The following PPM1L variants were observed in gnomAD, a reference collection of about 807,000 sequenced individuals.
The protein encoded by PPM1L is protein phosphatase, Mg2+/Mn2+ dependent 1L.
Under a neutral mutation model 31.4 loss-of-function variants are expected in PPM1L, and 13 were observed. The ratio of observed to expected loss-of-function variants is 0.41; its 90% CI spans 0.27 to 0.66. The LOEUF is 0.66. Ranked by LOEUF, PPM1L falls within the 30% of genes least tolerant of loss-of-function variation. The probability of loss-of-function intolerance (pLI) is 0.29; values close to 1 mark genes in which losing one functional copy is unlikely to be tolerated. For missense variants in PPM1L, 326 were observed against 453.7 expected, an observed-to-expected ratio of 0.72 and a Z score of 2.56; for synonymous variants, 184 against 175.4, an observed-to-expected ratio of 1.05 and a Z score of -0.39.
intron 1 of PPM1L, among the ~76,000 whole-genome samples, chr3:160,893,595 C>T (rs1713229215): frequency 6.6e-6 from 1 of 152,136 alleles, no homozygotes; most frequent in African/African-American, 2.4e-5. Flanking sequence ...CCCCTGATGC[C>T]CCAATAAATT....
intron 1 of PPM1L, among the ~76,000 whole-genome samples, chr3:160,954,004 A>G (rs952609907): frequency 3.3e-5 from 5 of 152,204 alleles, no homozygotes; most frequent in Admixed American, 1.3e-4. Context: ...AAGTGACCAC[A>G]GTACGCATTG....
At chr3:160,953,697 CT>C (rs1715644367) in intron 1 of PPM1L, among the ~76,000 whole-genome samples, 1 of 152,018 alleles carries the variant, frequency 6.6e-6, no homozygotes, top group Admixed American at 6.6e-5. Flanking sequence ...AGTTTAATAC[CT>C]TTTCCTCACA....
intron 1 of PPM1L, among the ~76,000 whole-genome samples, chr3:160,864,069 T>G (rs922020145): frequency 1.1e-4 from 16 of 152,202 alleles, no homozygotes; most frequent in African/African-American, 3.6e-4. Flanking sequence ...TTTATTAGAT[T>G]TGTTACCACT....
chr3:160,812,854 A>G (rs1468626710), intron 1 of PPM1L, among the ~76,000 whole-genome samples: 1 of 152,232 alleles, frequency 6.6e-6, no homozygotes, highest in Non-Finnish European at 1.5e-5. Flanking sequence ...GGCTGCATTT[A>G]GCAGGAAAGT....
intron 1 of PPM1L, among the ~76,000 whole-genome samples, chr3:160,773,141 G>T (rs1162235575): frequency 6.6e-6 from 1 of 152,096 alleles, no homozygotes; most frequent in Non-Finnish European, 1.5e-5. Context: ...TTCCAAAATG[G>T]TTTTCCAGTT....
chr3:160,946,593 C>G (rs912700025), intron 1 of PPM1L, among the ~76,000 whole-genome samples: 6 of 152,108 alleles, frequency 3.9e-5, no homozygotes, highest in Non-Finnish European at 7.3e-5. Context: ...CTAGGCCACT[C>G]TATACATTTG....
chr3:160,806,218 G>A (rs1421154354), intron 1 of PPM1L, among the ~76,000 whole-genome samples: 1 of 152,096 alleles, frequency 6.6e-6, no homozygotes, highest in Non-Finnish European at 1.5e-5. Context: ...CTGGACCTTT[G>A]CACATTCTAA....
chr3:160,873,246 C>T (rs778856239), intron 1 of PPM1L, among the ~76,000 whole-genome samples: 2 of 152,202 alleles, frequency 1.3e-5, no homozygotes, highest in East Asian at 1.9e-4. Context: ...GGCATCTCTC[C>T]CTTATAAAAG....
rs1295042448 is a variant in PPM1L, at chr3:161,028,553, G to A, written c.575-36850G>A. On this transcript the variant is annotated intron_variant, in intron 2 of 3. Transcript: ENST00000498165. ...CCAAACAGAGGTAAAGGAGAAAAGGGAAAGGACCCAGACATCCAGGAGAAA... is the reference window on the plus strand; with the variant it reads ...CCAAACAGAGGTAAAGGAGAAAAGGAAAAGGACCCAGACATCCAGGAGAAA... Among the ~76,000 whole-genome samples the A allele has an allele frequency of 2.0e-5, 3 of 152,126 alleles. No homozygotes were observed. In the South Asian group the frequency reaches 6.2e-4, roughly 32 times the overall value.
intron 2 of PPM1L, among the ~76,000 whole-genome samples, chr3:161,019,559 G>T (rs189176301): frequency 4.6e-5 from 7 of 152,194 alleles, no homozygotes; most frequent in Admixed American, 2.6e-4. Flanking sequence ...TCAACAGCTG[G>T]TTTTTAGCTA....
At chr3:160,896,982 A>G (rs564716346) in intron 1 of PPM1L, among the ~76,000 whole-genome samples, 18 of 151,036 alleles carry the variant, frequency 1.2e-4, no homozygotes, top group African/African-American at 4.1e-4. Flanking sequence ...CACCTCTTAC[A>G]GCTATAGTGA....
At chr3:160,801,959 C>G (rs888420702) in intron 1 of PPM1L, among the ~76,000 whole-genome samples, 1 of 152,084 alleles carries the variant, frequency 6.6e-6, no homozygotes, top group Non-Finnish European at 1.5e-5. Context: ...CTATTTGTGT[C>G]GATTGCCTTG....
At chr3:160,949,739 C>T (rs1164365945) in intron 1 of PPM1L, among the ~76,000 whole-genome samples, 1 of 152,072 alleles carries the variant, frequency 6.6e-6, no homozygotes, top group Non-Finnish European at 1.5e-5. Context: ...AGTGGGAAGG[C>T]AAATAGGTGA....
chr3:161,035,455 T>C (rs1718717705), intron 2 of PPM1L, among the ~76,000 whole-genome samples: 1 of 152,252 alleles, frequency 6.6e-6, no homozygotes. Context: ...TGCTTTTGAC[T>C]GTAGACAGAC....
At chr3:160,840,928 G>A (rs138597406) in intron 1 of PPM1L, among the ~76,000 whole-genome samples, 104 of 152,246 alleles carry the variant, frequency 6.8e-4, no homozygotes, top group African/African-American at 2.5e-3. Flanking sequence ...TTATTGAGTC[G>A]ACTGATTCAA....
intron 1 of PPM1L, among the ~76,000 whole-genome samples, chr3:160,827,127 C>T (rs1576657107): frequency 6.6e-6 from 1 of 152,088 alleles, no homozygotes; most frequent in South Asian, 2.1e-4. Flanking sequence ...TGGCTGCTTT[C>T]CTTCCCCATT....
rs1714804531 is a variant in PPM1L at position 160,756,402 on chromosome 3, A to G, written c.94A>G (p.Ser32Gly). ...RPETLFLLCISLALWSYFFHT... is the reference protein window; with the variant it reads ...RPETLFLLCIGLALWSYFFHT... Reference sequence around the variant, plus strand: ...CGAGACGCTTTTCCTGCTGTGCATCAGCTTGGCTCTATGGAGTTACTTCTT... The same window carrying G: ...CGAGACGCTTTTCCTGCTGTGCATCGGCTTGGCTCTATGGAGTTACTTCTT... Residue 32 changes from serine to glycine, a missense_variant, in exon 1 of 4, where the codon AGC becomes GGC. Ser to Gly is a moderately conservative substitution (Grantham distance 56, BLOSUM62 0). This residue lies in a region of PPM1L where 42 missense variants were observed against 76.1 expected (regional missense o/e 0.55). Transcript: ENST00000498165. The surrounding 1 kb of genome is among the most constrained non-coding windows in gnomAD (Gnocchi z 6.2). The G allele has an allele frequency of 1.2e-6, 2 of 1,614,078 alleles. No homozygotes were observed. Among genetic ancestry groups the G allele is most frequent in the Non-Finnish European group, 1.7e-6 (2 of 1,180,042 alleles).
intron 1 of PPM1L, among the ~76,000 whole-genome samples, chr3:160,848,960 A>G (rs533238531): frequency 6.6e-6 from 1 of 152,272 alleles, no homozygotes; most frequent in African/African-American, 2.4e-5. Flanking sequence ...GTATTTCACA[A>G]ATTAATTTTA....
intron 1 of PPM1L, among the ~76,000 whole-genome samples, chr3:160,794,681 A>G (rs773833180): frequency 6.6e-6 from 1 of 152,146 alleles, no homozygotes; most frequent in Non-Finnish European, 1.5e-5. Context: ...TCACTTTATA[A>G]CAGGGTGTCC....
Sources: allele counts gnomAD v4.1 joint callset (sites outside exome capture counted in the v4.1 genomes callset), GRCh38; gene constraint gnomAD v4.1.1; regional missense constraint gnomAD v4.1.1; non-coding constraint Gnocchi (gnomAD v3.1); transcripts MANE v1.5; gene names NCBI Gene and HGNC (gene_info 2026-07-23, HGNC 2026-07-21).